The following FLRT2 variants were observed in gnomAD, a reference collection of about 807,000 sequenced individuals.
FLRT2 encodes the protein leucine-rich repeat transmembrane protein FLRT2.
FLRT2 carries 15 observed loss-of-function variants against 40.0 expected under a neutral mutation model. That is an observed-to-expected ratio of 0.38 (90% CI 0.25 to 0.58). The LOEUF is 0.58. FLRT2 is among the 20% of genes least tolerant of loss of function. FLRT2 has a pLI of 0.71. For missense variants in FLRT2, 726 were observed against 840.0 expected (o/e 0.86, Z 1.68); for synonymous variants, 380 against 336.8 (o/e 1.13, Z -1.41).
chr14:85,632,355 C>T lies in FLRT2; in HGVS notation c.*8858C>T, dbSNP rs1299569372. The T allele has an allele frequency of 6.6e-6, 1 of 151,186 alleles. No individual in the cohort carries two copies. Among genetic ancestry groups the T allele is most frequent in the Admixed American group, 6.6e-5 (1 of 15,164 alleles). The allele number at this position is 151,186 out of a possible 1,614,324, so 9.4% of individuals were successfully genotyped here. A position where few individuals can be genotyped will look rare whatever the true frequency, so the allele number is the denominator to read the frequency against. ...GGCTTGGTGGTGCGTGCCTGTAGTC[C>T]CAGCTACTCAGGAGGCTGAGGCAGG... On this transcript the variant is annotated 3_prime_UTR_variant, in exon 2 of 2. Coordinates refer to ENST00000330753, the MANE Select transcript of FLRT2 (RefSeq NM_013231.6).
chr14:85,552,890 G>C (rs1313209233), intron 1 of FLRT2: 2 of 152,100 alleles, frequency 1.3e-5, no homozygotes, highest in East Asian at 3.9e-4. Flanking sequence ...TTCTGCCACT[G>C]TGTTGTCTCT....
intron 1 of FLRT2, among the ~76,000 whole-genome samples, chr14:85,619,510 C>T (rs1417151333): frequency 1.3e-5 from 2 of 152,120 alleles, no homozygotes; most frequent in East Asian, 1.9e-4. Context: ...TTCTGGTCAT[C>T]GAAGGCATTT....
rs2139392126 is a variant in FLRT2 at position 85,636,487 on chromosome 14, T to G, written c.*12990T>G. ...ACTTCGAGACATGTTTGAAACATTT[T>G]ATTTCAGTAAATATAGCTGTCACTA... On this transcript the variant is annotated 3_prime_UTR_variant, in exon 2 of 2. Transcript: ENST00000330753. The G allele has an allele frequency of 6.6e-6, 1 of 152,058 alleles. No individual in the cohort carries two copies. The highest frequency in any genetic ancestry group is 2.1e-4 in the South Asian group (1 of 4,822). The allele number at this position is 152,058 out of a possible 1,614,324, so 9.4% of individuals were successfully genotyped here.
chr14:85,539,044 G>C (rs1400905646), intron 1 of FLRT2, among the ~76,000 whole-genome samples: 1 of 152,094 alleles, frequency 6.6e-6, no homozygotes, highest in Admixed American at 6.5e-5. Flanking sequence ...TTGTTTGCGT[G>C]CATAGGGGCC....
intron 1 of FLRT2, among the ~76,000 whole-genome samples, chr14:85,544,391 T>C (rs1889158573): frequency 6.6e-6 from 1 of 152,234 alleles, no homozygotes; most frequent in South Asian, 2.1e-4. Flanking sequence ...GAATGAGAAA[T>C]TTAACTCAGC....
chr14:85,550,839 G>A (rs887742178), intron 1 of FLRT2, among the ~76,000 whole-genome samples: 3 of 152,168 alleles, frequency 2.0e-5, no homozygotes, highest in African/African-American at 7.2e-5. Flanking sequence ...AAAATCTGGA[G>A]GGGGTTTCAT....
intron 1 of FLRT2, among the ~76,000 whole-genome samples, chr14:85,554,563 T>C (rs1889844253): frequency 6.6e-6 from 1 of 152,192 alleles, no homozygotes; most frequent in Admixed American, 6.5e-5. Context: ...CCAATTAAAA[T>C]TGCTTAGAAA....
chr14:85,582,000 G>A (rs376601012), intron 1 of FLRT2, among the ~76,000 whole-genome samples: 282 of 152,230 alleles, frequency 1.9e-3, no homozygotes, highest in African/African-American at 6.5e-3. Flanking sequence ...ATGCAGTTTG[G>A]TATTAACTTT....
intron 1 of FLRT2, among the ~76,000 whole-genome samples, chr14:85,598,042 ACTATTTCCTT>A (rs1375228815): frequency 6.6e-6 from 1 of 152,170 alleles, no homozygotes; most frequent in Non-Finnish European, 1.5e-5. Context: ...TACACTTGTC[ACTATTTCCTT>A]CAGTTGTTTC....
chr14:85,531,878 G>A (rs2139790730), intron 1 of FLRT2, among the ~76,000 whole-genome samples: 1 of 152,316 alleles, frequency 6.6e-6, no homozygotes, highest in Non-Finnish European at 1.5e-5. Flanking sequence ...GTGTGTGCTC[G>A]CGTGTGTGAG....
intron 1 of FLRT2, among the ~76,000 whole-genome samples, chr14:85,614,702 T>A (rs1416407767): frequency 7.0e-6 from 1 of 143,560 alleles, no homozygotes; most frequent in Non-Finnish European, 1.5e-5. Context: ...AACCTTCATT[T>A]CTCATCACTT....
chr14:85,558,941 G>A (rs969506739), intron 1 of FLRT2, among the ~76,000 whole-genome samples: 4 of 152,206 alleles, frequency 2.6e-5, no homozygotes, highest in African/African-American at 9.6e-5. Context: ...TGGATAATGT[G>A]TACAGGTGGC....
chr14:85,551,818 A>G (rs368598183), intron 1 of FLRT2: 19 of 152,080 alleles, frequency 1.2e-4, no homozygotes, highest in African/African-American at 4.6e-4. Flanking sequence ...CATGTTTGTA[A>G]CTCACATATT....
chr14:85,552,805 G>A (rs2139828163), intron 1 of FLRT2: 1 of 152,264 alleles, frequency 6.6e-6, no homozygotes, highest in East Asian at 1.9e-4. Flanking sequence ...TTGATGTGAG[G>A]AGGTATTCCT....
In FLRT2 at chr14:85,622,242, C is replaced by G. The variant is rs777515859; in HGVS notation, c.728C>G (p.Ser243Cys). 2.5e-6 allele frequency: 4 copies of G among 1,614,122 alleles called. No homozygotes were observed. The highest frequency in any genetic ancestry group is 1.6e-4 in the Middle Eastern group (1 of 6,062). ...KEFSIVRNSL[S>C]HPPPDLPGTH... ...TTTTCAATTGTACGTAATTCGCTGTCCCACCCTCCTCCCGATCTCCCAGGT... is the reference window on the plus strand; with the variant it reads ...TTTTCAATTGTACGTAATTCGCTGTGCCACCCTCCTCCCGATCTCCCAGGT... Residue 243 changes from serine to cysteine, a missense_variant, in exon 2 of 2, where the codon TCC (serine) becomes TGC (cysteine). Around this residue, in one of 3 missense-constraint regions of FLRT2, gnomAD observed 611 missense variants for 690.0 expected, o/e 0.89. Transcript: ENST00000330753.
At chr14:85,619,167 T>C (rs906434957) in intron 1 of FLRT2, among the ~76,000 whole-genome samples, 17 of 150,408 alleles carry the variant, frequency 1.1e-4, no homozygotes, top group African/African-American at 3.9e-4. Context: ...TTGGCTCACC[T>C]CCGCCTCCCA....
At chr14:85,610,683 C>G (rs771145725) in intron 1 of FLRT2, among the ~76,000 whole-genome samples, 27 of 152,090 alleles carry the variant, frequency 1.8e-4, no homozygotes, top group Admixed American at 4.6e-4. Context: ...TTATTGGCCT[C>G]TCTTCTCCTG....
rs1894005628 is a variant in FLRT2, at chr14:85,636,415, A to AAAAAAAT, written c.*12918_*12919insAAAAAAT. ...GAAAAAAAAAAAAAAAAAACAAAAAACATTCTTATTAATCTTAACTAATTT... is the reference window on the plus strand; with the variant it reads ...GAAAAAAAAAAAAAAAAAACAAAAAAAAAAAATCATTCTTATTAATCTTAACTAATTT... On this transcript the variant is annotated 3_prime_UTR_variant, in exon 2 of 2. Transcript: ENST00000330753. 2.8e-5 allele frequency: 4 copies of AAAAAAAT among 145,200 alleles called. No individual in the cohort carries two copies. The highest frequency in any genetic ancestry group is 3.0e-5 in the Non-Finnish European group (2 of 65,796). The allele number at this position is 145,200 out of a possible 1,614,324, so 9.0% of individuals were successfully genotyped here. A position where few individuals can be genotyped will look rare whatever the true frequency, so the allele number is the denominator to read the frequency against.
chr14:85,603,676 C>G (rs1218972943), intron 1 of FLRT2, among the ~76,000 whole-genome samples: 1 of 151,848 alleles, frequency 6.6e-6, no homozygotes, highest in East Asian at 2.0e-4. Flanking sequence ...TGAGACCAGT[C>G]TGGCCAACAT....
Sources: gnomAD v4.1 joint callset for allele counts (sites outside exome capture counted in the v4.1 genomes callset) on GRCh38, gnomAD v4.1.1 for gene constraint, gnomAD v4.1.1 regional missense constraint, MANE v1.5 for transcripts, NCBI Gene and HGNC (gene_info 2026-07-23, HGNC 2026-07-21) for gene names.